DPP10: variants seen among roughly 807,000 people sequenced by gnomAD.
The protein encoded by DPP10 is inactive dipeptidyl peptidase 10.
Under a neutral mutation model 120.9 loss-of-function variants are expected in DPP10, and 33 were observed. The ratio of observed to expected loss-of-function variants is 0.27; its 90% CI spans 0.21 to 0.37. The LOEUF is 0.37. Ranked by LOEUF, DPP10 falls within the 10% of genes least tolerant of loss-of-function variation. DPP10 has a pLI of 1.00. For synonymous variants in DPP10, 337 were observed against 326.1 expected, an observed-to-expected ratio of 1.03 and a Z score of -0.36; for missense variants, 816 against 942.8, an observed-to-expected ratio of 0.87 and a Z score of 1.76.
intron 1 of DPP10, among the ~76,000 whole-genome samples, chr2:115,150,354 ATCT>A: frequency 6.6e-6 from 1 of 152,180 alleles, no homozygotes; most frequent in South Asian, 2.1e-4. Context: ...CTAAAGGAAC[ATCT>A]TCTATTTGCC....
intron 5 of DPP10, among the ~76,000 whole-genome samples, chr2:115,645,638 A>C (rs1203344238): frequency 1.3e-5 from 2 of 152,118 alleles, no homozygotes; most frequent in East Asian, 3.8e-4. Flanking sequence ...CCTTATTATA[A>C]AAAAAATTAT....
rs188988749 is a variant in DPP10, at chr2:114,883,187, C to G, written c.61-426052C>G. ...CCCAGGTTAGCTAGGCCAGTAGCTA[C>G]TACGCATTATCTGGGGTTAGAGGAG... On this transcript the variant is annotated intron_variant, in intron 1 of 25. Transcript: ENST00000410059. Among the ~76,000 whole-genome samples the G allele has an allele frequency of 4.1e-3, 619 of 152,242 alleles. 15 individuals are homozygous for G. Among genetic ancestry groups the G allele is most frequent in the Non-Finnish European group, 1.9e-3 (126 of 68,012 alleles).
chr2:115,225,897 A>G (rs2057411796), intron 1 of DPP10, among the ~76,000 whole-genome samples: 2 of 151,916 alleles, frequency 1.3e-5, no homozygotes, highest in African/African-American at 4.8e-5. Context: ...TTGTGTCTGG[A>G]TCAAAAGGCT....
At chr2:115,597,963 A>C (rs1208634231) in intron 5 of DPP10, among the ~76,000 whole-genome samples, 6 of 152,082 alleles carry the variant, frequency 3.9e-5, no homozygotes, top group African/African-American at 1.4e-4. Flanking sequence ...TAGGTATATA[A>C]ACATGTATGA....
intron 1 of DPP10, among the ~76,000 whole-genome samples, chr2:114,546,095 T>C (rs1317821208): frequency 6.6e-6 from 1 of 152,104 alleles, no homozygotes; most frequent in Non-Finnish European, 1.5e-5. Context: ...GAGTCATAAT[T>C]CAGCATTCCC....
chr2:115,162,909 C>T (rs1037465198), intron 1 of DPP10, among the ~76,000 whole-genome samples: 1 of 151,940 alleles, frequency 6.6e-6, no homozygotes, highest in Non-Finnish European at 1.5e-5. Flanking sequence ...GCCGAGACAC[C>T]CTGGCGAGGA....
intron 9 of DPP10, 125 bp from the exon 10 acceptor site, chr2:115,745,961 C>T: frequency 1.6e-6 from 1 of 639,366 alleles, no homozygotes; most frequent in Non-Finnish European, 2.6e-6. Flanking sequence ...ATTTCTACTT[C>T]AGAGAAATTA....
intron 1 of DPP10, among the ~76,000 whole-genome samples, chr2:115,236,390 A>G (rs534630021): frequency 5.3e-5 from 8 of 152,310 alleles, no homozygotes; most frequent in South Asian, 4.1e-4. Context: ...TAGGAACCCA[A>G]TAGTTATCTT....
At chr2:115,350,062 A>T (rs2063927538) in intron 3 of DPP10, among the ~76,000 whole-genome samples, 1 of 152,136 alleles carries the variant, frequency 6.6e-6, no homozygotes, top group Non-Finnish European at 1.5e-5. Flanking sequence ...TTCTTGCAAC[A>T]TAATTTATAA....
intron 1 of DPP10, among the ~76,000 whole-genome samples, chr2:115,087,885 T>C (rs1292552884): frequency 6.6e-6 from 1 of 152,154 alleles, no homozygotes; most frequent in East Asian, 1.9e-4. Flanking sequence ...TCTCAAGTTA[T>C]GCAGATGCTG....
At chr2:115,064,590 A>T in intron 1 of DPP10, 1 of 1,202,498 alleles carries the variant, frequency 8.3e-7, no homozygotes. Context: ...TTTCGGTTGG[A>T]CATAGGTGGG....
intron 3 of DPP10, among the ~76,000 whole-genome samples, chr2:115,411,439 G>T (rs1436570121): frequency 1.3e-5 from 2 of 152,126 alleles, no homozygotes; most frequent in African/African-American, 2.4e-5. Context: ...AAAAAAAATT[G>T]TCTGTATTTG....
chr2:114,726,652 A>G (rs1166928647), intron 1 of DPP10, among the ~76,000 whole-genome samples: 1 of 152,234 alleles, frequency 6.6e-6, no homozygotes, highest in African/African-American at 2.4e-5. Context: ...AAAATAGAAA[A>G]TAAAGCTTCT....
At chr2:115,669,054 A>G (rs975437474) in intron 5 of DPP10, among the ~76,000 whole-genome samples, 4 of 152,070 alleles carry the variant, frequency 2.6e-5, no homozygotes, top group African/African-American at 7.2e-5. Context: ...AGTGGTATAA[A>G]GCTTTTGTTC....
At chr2:115,153,414 A>C (rs2051696127) in intron 1 of DPP10, among the ~76,000 whole-genome samples, 1 of 152,118 alleles carries the variant, frequency 6.6e-6, no homozygotes, top group African/African-American at 2.4e-5. Flanking sequence ...TGCATTGACT[A>C]TTTGGGGGTT....
chr2:114,960,963 A>G (rs1698570475), intron 1 of DPP10, among the ~76,000 whole-genome samples: 1 of 148,000 alleles, frequency 6.8e-6, no homozygotes, highest in East Asian at 2.0e-4. Context: ...TTAAATTTAA[A>G]CAGATAATGT....
intron 1 of DPP10, among the ~76,000 whole-genome samples, chr2:114,942,582 A>C (rs1041516695): frequency 6.6e-6 from 1 of 151,210 alleles, no homozygotes; most frequent in Non-Finnish European, 1.5e-5. Flanking sequence ...TTGTTGTTTC[A>C]GTAGTCGGAA....
chr2:115,015,718 G>C (rs757833657), intron 1 of DPP10, among the ~76,000 whole-genome samples: 4 of 152,060 alleles, frequency 2.6e-5, no homozygotes, highest in Admixed American at 2.6e-4. Context: ...GACATACAGA[G>C]AGCCATATCA....
intron 20 of DPP10, 32 bp from the exon 21 acceptor site, chr2:115,815,643 G>A (rs1231497365): frequency 6.3e-7 from 1 of 1,575,352 alleles, no homozygotes; most frequent in African/African-American, 1.4e-5. Context: ...AACTCACAAA[G>A]ATATAACTAT....
Sources: gnomAD v4.1 joint callset for allele counts (sites outside exome capture counted in the v4.1 genomes callset) on GRCh38, gnomAD v4.1.1 for gene constraint, MANE v1.5 for transcripts, NCBI Gene and HGNC (gene_info 2026-07-23, HGNC 2026-07-21) for gene names.